The following HS3ST3B1 variants were observed in gnomAD, a reference collection of about 807,000 sequenced individuals.
The protein encoded by HS3ST3B1 is heparan sulfate glucosamine 3-O-sulfotransferase 3B1.
In HS3ST3B1, 13 loss-of-function variants were observed where a neutral mutation model predicts 21.3. The observed-to-expected ratio is 0.61, with a 90% confidence interval of 0.40 to 0.97. The LOEUF (loss-of-function observed/expected upper bound fraction) is 0.97, where lower values mean the gene tolerates loss of function less well. HS3ST3B1 is among the 50% of genes least tolerant of loss of function. The pLI, the probability that HS3ST3B1 is intolerant of heterozygous loss-of-function variation, is 0.00. For synonymous variants in HS3ST3B1, 234 were observed against 254.8 expected (o/e 0.92, Z 0.78); for missense variants, 459 against 554.8 (o/e 0.83, Z 1.73).
intron 1 of HS3ST3B1, among the ~76,000 whole-genome samples, chr17:14,307,326 T>C (rs1484769436): frequency 1.3e-5 from 2 of 152,066 alleles, no homozygotes; most frequent in Non-Finnish European, 2.9e-5. Flanking sequence ...TTGTGAAAGA[T>C]ATTTTTCCAG....
At chr17:14,334,457 T>C (rs1910129435) in intron 1 of HS3ST3B1, among the ~76,000 whole-genome samples, 1 of 152,072 alleles carries the variant, frequency 6.6e-6, no homozygotes, top group Non-Finnish European at 1.5e-5. Context: ...GCTTAAGCAA[T>C]CCTCTTTCCT....
rs1043640044 is a variant in HS3ST3B1, at chr17:14,301,164, C to A, written c.-355C>A. Reference sequence around the variant, plus strand: ...TAGGACTGCAAGGAGGCAGCCCCGGCGTGCGGCGGTGCGCACAGTCTAGAG... The same window carrying A: ...TAGGACTGCAAGGAGGCAGCCCCGGAGTGCGGCGGTGCGCACAGTCTAGAG... On this transcript the variant is annotated 5_prime_UTR_variant, in exon 1 of 2. Coordinates refer to ENST00000360954, the MANE Select transcript of HS3ST3B1 (RefSeq NM_006041.3). 1.1e-5 allele frequency: 3 copies of A among 276,976 alleles called. No individual in the cohort carries two copies. The highest frequency in any genetic ancestry group is 2.0e-5 in the Non-Finnish European group (3 of 149,652). The allele number at this position is 276,976 out of a possible 1,614,324, so 17.2% of individuals were successfully genotyped here.
rs1170323673 is a variant in HS3ST3B1 at position 14,348,856 on chromosome 17, G to C, written c.*3210G>C. On this transcript the variant is annotated 3_prime_UTR_variant, in exon 2 of 2. Coordinates refer to ENST00000360954, the MANE Select transcript of HS3ST3B1 (RefSeq NM_006041.3). ...CTGTTAACTTAGTAGGTGGTACCTG[G>C]AAAGGTATTTTAAGTATAGTGACTG... The C allele has an allele frequency of 6.6e-6, 1 of 152,156 alleles. No individual in the cohort carries two copies. The highest frequency in any genetic ancestry group is 2.4e-5 in the African/African-American group (1 of 41,442). The allele number at this position is 152,156 out of a possible 1,614,324, so 9.4% of individuals were successfully genotyped here. A position where few individuals can be genotyped will look rare whatever the true frequency, so the allele number is the denominator to read the frequency against.
chr17:14,334,617 G>T (rs1417760692), intron 1 of HS3ST3B1, among the ~76,000 whole-genome samples: 2 of 152,114 alleles, frequency 1.3e-5, no homozygotes, highest in Non-Finnish European at 2.9e-5. Flanking sequence ...AGCGTACATT[G>T]ACATCTCATT....
intron 1 of HS3ST3B1, chr17:14,304,905 C>T (rs1344829105): frequency 6.6e-6 from 1 of 152,212 alleles, no homozygotes; most frequent in Non-Finnish European, 1.5e-5. Context: ...GTGGCTGTGT[C>T]TGTGAGTCGT....
Position 14,341,727 on chromosome 17 carries a change from T to C in HS3ST3B1, c.555-3301T>C, listed in dbSNP as rs187870738. 1.6e-3 allele frequency among the ~76,000 whole-genome samples: 238 copies of C among 152,206 alleles called. 1 individual carries two copies. The highest frequency in any genetic ancestry group is 3.4e-3 in the Middle Eastern group (1 of 294). On this transcript the variant is annotated intron_variant, in intron 1 of 1. Coordinates refer to ENST00000360954, the MANE Select transcript of HS3ST3B1 (RefSeq NM_006041.3). ...TCTCTGCAATGGCCCCGAAGAACCT[T>C]GGGGTTTGGTATTCCTTCAATCGTG...
rs539938490 is a variant in HS3ST3B1 at position 14,344,577 on chromosome 17, C to G, written c.555-451C>G. ...TTTCCTTCCAGTGCCCATGGCACATCTGCCTGGGTTTGGTAAGTGTGAGAA... is the reference window on the plus strand; with the variant it reads ...TTTCCTTCCAGTGCCCATGGCACATGTGCCTGGGTTTGGTAAGTGTGAGAA... On this transcript the variant is annotated intron_variant, in intron 1 of 1. Transcript: ENST00000360954. Among the ~76,000 whole-genome samples, 13 of 152,256 alleles carry G rather than the reference C, an allele frequency of 8.5e-5. No individual in the cohort carries two copies. The South Asian group carries it at 2.5e-3, about 29-fold the overall frequency.
At chr17:14,328,344 C>T (rs1268825217) in intron 1 of HS3ST3B1, 1 of 152,122 alleles carries the variant, frequency 6.6e-6, no homozygotes, top group Non-Finnish European at 1.5e-5. Flanking sequence ...AATGGTTGAC[C>T]ATGACAATGA....
chr17:14,333,804 T>TC (rs1490315534), intron 1 of HS3ST3B1, among the ~76,000 whole-genome samples: 6 of 152,064 alleles, frequency 3.9e-5, no homozygotes, highest in African/African-American at 1.4e-4. Flanking sequence ...ACCTTTTTTT[T>TC]CTGAGACAGA....
At chr17:14,336,051 A>G (rs1269583871) in intron 1 of HS3ST3B1, among the ~76,000 whole-genome samples, 3 of 152,220 alleles carry the variant, frequency 2.0e-5, no homozygotes, top group South Asian at 4.1e-4. Context: ...CTAAACAAGG[A>G]AGTCATTTTC....
In HS3ST3B1 at chr17:14,301,638, C is replaced by T. The variant is rs1290845260; in HGVS notation, c.120C>T (p.Leu40=). The T allele has an allele frequency of 5.6e-6, 9 of 1,607,934 alleles. No individual in the cohort carries two copies. The Admixed American group carries it at 1.3e-4, about 24-fold the overall frequency. Reference sequence around the variant, plus strand: ...AGCTCGCGCTGCTCTTCGCCATGCTCTGCGTCTGGCTCTATATGTTCCTGT... The same window carrying T: ...AGCTCGCGCTGCTCTTCGCCATGCTTTGCGTCTGGCTCTATATGTTCCTGT... ...RRKLALLFAM[L]CVWLYMFLYS... is the part of the protein sequence containing the mutation. The change falls in exon 1 of 2, where the codon CTC becomes CTT. Residue 40 remains leucine, a synonymous_variant. Coordinates refer to ENST00000360954, the MANE Select transcript of HS3ST3B1 (RefSeq NM_006041.3).
At chr17:14,324,147 G>A (rs1035039288) in intron 1 of HS3ST3B1, among the ~76,000 whole-genome samples, 1 of 151,982 alleles carries the variant, frequency 6.6e-6, no homozygotes, top group African/African-American at 2.4e-5. Flanking sequence ...CCTTCTCTCA[G>A]TTTTGATCTG....
rs1457966541 is a variant in HS3ST3B1, at chr17:14,348,765, A to C, written c.*3119A>C. 1 of 152,220 alleles carries C rather than the reference A, an allele frequency of 6.6e-6. No individual in the cohort carries two copies. Among genetic ancestry groups the C allele is most frequent in the Non-Finnish European group, 1.5e-5 (1 of 68,052 alleles). The allele number at this position is 152,220 out of a possible 1,614,324, so 9.4% of individuals were successfully genotyped here. ...TAAAAACAAACAAAAAGGTCAACAA[A>C]AAAAAATTGAGGTTTTTCTTGTTTC... On this transcript the variant is annotated 3_prime_UTR_variant, in exon 2 of 2. Transcript: ENST00000360954.
At chr17:14,320,295 G>C (rs767510642) in intron 1 of HS3ST3B1, among the ~76,000 whole-genome samples, 2 of 152,166 alleles carry the variant, frequency 1.3e-5, no homozygotes, top group African/African-American at 2.4e-5. Context: ...GAAGGCTTCA[G>C]GGAGGAGGTG....
rs1910565692 is a variant in HS3ST3B1 at position 14,346,224 on chromosome 17, G to A, written c.*578G>A. 6.5e-6 allele frequency: 1 copy of A among 152,700 alleles called. No individual in the cohort carries two copies. Among genetic ancestry groups the A allele is most frequent in the Non-Finnish European group, 1.4e-5 (1 of 69,318 alleles). 9.5% of individuals were successfully genotyped at this position (152,700 alleles called of 1,614,324 possible). On this transcript the variant is annotated 3_prime_UTR_variant, in exon 2 of 2. Coordinates refer to ENST00000360954, the MANE Select transcript of HS3ST3B1 (RefSeq NM_006041.3). ...GGGAAATTTCTCACTCCCTTTACAGGGACATCCACATCCTTTTTTTTTCTT... is the reference window on the plus strand; with the variant it reads ...GGGAAATTTCTCACTCCCTTTACAGAGACATCCACATCCTTTTTTTTTCTT...
At chr17:14,329,299 A>AAGAAAG (rs1555549431) in intron 1 of HS3ST3B1, 1 of 137,620 alleles carries the variant, frequency 7.3e-6, no homozygotes, top group African/African-American at 2.7e-5. Context: ...GAAATAAAGA[A>AAGAAAG]AGAAAGAGAG....
At chr17:14,302,113 C>T in intron 1 of HS3ST3B1, 41 bp downstream of exon 1, 1 of 1,550,118 alleles carries the variant, frequency 6.5e-7, no homozygotes, top group Non-Finnish European at 8.7e-7. Flanking sequence ...ATCGTCGATT[C>T]AGACCCTGAG....
At chr17:14,335,045 C>T (rs1910146729) in intron 1 of HS3ST3B1, among the ~76,000 whole-genome samples, 1 of 152,108 alleles carries the variant, frequency 6.6e-6, no homozygotes, top group Non-Finnish European at 1.5e-5. Flanking sequence ...CCTGGGCTTC[C>T]TGGAAGGTAA....
intron 1 of HS3ST3B1, among the ~76,000 whole-genome samples, chr17:14,342,205 C>T (rs1910408765): frequency 6.6e-6 from 1 of 152,052 alleles, no homozygotes; most frequent in Non-Finnish European, 1.5e-5. Flanking sequence ...GAATGCCTTA[C>T]TGAGAGGTAA....
Sources: gnomAD v4.1 joint callset for allele counts (sites outside exome capture counted in the v4.1 genomes callset) on GRCh38, gnomAD v4.1.1 for gene constraint, MANE v1.5 for transcripts, NCBI Gene and HGNC (gene_info 2026-07-23, HGNC 2026-07-21) for gene names.